COG5: variants seen among roughly 807,000 people sequenced by gnomAD.
COG5 encodes component of oligomeric golgi complex 5.
COG5 carries 86 observed loss-of-function variants against 110.4 expected under a neutral mutation model. The ratio of observed to expected loss-of-function variants is 0.78; its 90% CI spans 0.65 to 0.93. The LOEUF (loss-of-function observed/expected upper bound fraction) is 0.93, where lower values mean the gene tolerates loss of function less well. COG5 is among the 40% of genes least tolerant of loss of function. COG5 has a pLI of 0.00. For synonymous variants in COG5, 360 were observed against 334.6 expected (o/e 1.08, Z -0.83); for missense variants, 1,077 against 987.0 (o/e 1.09, Z -1.22).
Position 107,434,951 on chromosome 7 carries a change from C to T in COG5, c.539-22319G>A, listed in dbSNP as rs543899698. On this transcript the variant is annotated intron_variant, in intron 6 of 21. Coordinates refer to ENST00000297135, the MANE Select transcript of COG5 (RefSeq NM_006348.5). The stretch of plus-strand genomic sequence containing the variant: ...TGCCACTGCACTCCAACCTGGACGA[C>T]AGAGCGAGACTCCGTCTTAAAAAAA... Among the ~76,000 whole-genome samples the T allele has an allele frequency of 2.7e-3, 405 of 149,198 alleles. 2 individuals carry two copies. Among genetic ancestry groups the T allele is most frequent in the African/African-American group, 9.7e-3 (394 of 40,506 alleles).
intron 6 of COG5, among the ~76,000 whole-genome samples, chr7:107,499,349 G>A (rs556693110): frequency 2.6e-5 from 4 of 151,740 alleles, no homozygotes; most frequent in Non-Finnish European, 5.9e-5. Context: ...CCACACTAAC[G>A]TAAGGTATTC....
At chr7:107,407,202 C>T (rs1430708972) in intron 7 of COG5, among the ~76,000 whole-genome samples, 1 of 151,782 alleles carries the variant, frequency 6.6e-6, no homozygotes, top group East Asian at 1.9e-4. Flanking sequence ...GCCAACATGG[C>T]GAAACCCCGT....
intron 5 of COG5, among the ~76,000 whole-genome samples, chr7:107,531,640 C>CG (rs371821762): frequency 2.8e-4 from 28 of 101,526 alleles, no homozygotes; most frequent in Middle Eastern, 4.9e-3. Flanking sequence ...TCGGTGAGGG[C>CG]GGGGGGGAGG....
chr7:107,558,010 C>G lies in COG5; in HGVS notation c.200G>C (p.Gly67Ala), dbSNP rs573364638. 5 of 1,613,710 alleles carry G rather than the reference C, an allele frequency of 3.1e-6. No homozygotes were observed. Among genetic ancestry groups the G allele is most frequent in the East Asian group, 2.2e-5 (1 of 44,808 alleles). ...TAGTTCTCTGTCCAACTGACTGATT[C>G]CTTGGGCAAGTTTTGCTAGTTGTTC... is the stretch of plus-strand genomic sequence containing the variant. ...IAEQLAKLAQGISQLDRELHL... is the reference protein window; with the variant it reads ...IAEQLAKLAQAISQLDRELHL... Residue 67 changes from glycine to alanine, a missense_variant, in exon 2 of 22, where the codon GGA (glycine) becomes GCA (alanine). Coordinates refer to ENST00000297135, the MANE Select transcript of COG5 (RefSeq NM_006348.5).
At chr7:107,420,992 T>TA (rs1793247321) in intron 6 of COG5, among the ~76,000 whole-genome samples, 2 of 152,204 alleles carry the variant, frequency 1.3e-5, no homozygotes, top group African/African-American at 4.8e-5. Context: ...ACCTTACTAT[T>TA]AAAAATGAGA....
In COG5 at chr7:107,365,596, C is replaced by CAAAAAAA. The variant is rs71134263; in HGVS notation, c.836-3183_836-3177dup. ...GGGAATGTTCAACATTGCAAAATGA[C>CAAAAAAA]AAAAAAAAAAAAAAAAAAAAAAAAA... On this transcript the variant is annotated intron_variant, in intron 8 of 21. Coordinates refer to ENST00000297135, the MANE Select transcript of COG5 (RefSeq NM_006348.5). Among the ~76,000 whole-genome samples the CAAAAAAA allele has an allele frequency of 6.9e-3, 255 of 36,738 alleles. 4 individuals carry two copies. The highest frequency in any genetic ancestry group is 0.013 in the East Asian group (10 of 764). 24.1% of individuals were successfully genotyped at this position (36,738 alleles called of 152,430 possible). A position where few individuals can be genotyped will look rare whatever the true frequency, so the allele number is the denominator to read the frequency against.
intron 6 of COG5, among the ~76,000 whole-genome samples, chr7:107,524,273 T>C (rs1800571575): frequency 6.6e-6 from 1 of 152,154 alleles, no homozygotes; most frequent in African/African-American, 2.4e-5. Context: ...CAAATCTGTA[T>C]CCACTAGTAG....
At chr7:107,436,816 A>G (rs1794396918) in intron 6 of COG5, among the ~76,000 whole-genome samples, 1 of 152,230 alleles carries the variant, frequency 6.6e-6, no homozygotes, top group Admixed American at 6.5e-5. Context: ...AGTGCTCAGC[A>G]AATGTCATCA....
At chr7:107,283,758 C>T in intron 12 of COG5, 26 bp from the exon 13 acceptor site, 1 of 1,587,150 alleles carries the variant, frequency 6.3e-7, no homozygotes, top group Non-Finnish European at 8.6e-7. Context: ...TTTTTAAAAA[C>T]TAACTTAAAT....
chr7:107,373,616 C>T (rs1424852313), intron 7 of COG5, among the ~76,000 whole-genome samples: 2 of 151,820 alleles, frequency 1.3e-5, no homozygotes, highest in African/African-American at 4.8e-5. Flanking sequence ...CAGAGTGAAG[C>T]AGAGAGGCAG....
intron 14 of COG5, among the ~76,000 whole-genome samples, chr7:107,262,011 C>T (rs531802063): frequency 7.9e-5 from 12 of 152,002 alleles, no homozygotes; most frequent in African/African-American, 2.9e-4. Flanking sequence ...GTGCCTCAGC[C>T]TCCTGGGTAG....
At chr7:107,441,255 CAAAAA>C (rs551026030) in intron 6 of COG5, among the ~76,000 whole-genome samples, 2 of 71,338 alleles carry the variant, frequency 2.8e-5, no homozygotes, top group East Asian at 4.3e-4. Context: ...GACTCCGTCT[CAAAAA>C]AAAAAAAAAA....
chr7:107,297,011 G>A (rs1806803832), intron 12 of COG5, among the ~76,000 whole-genome samples: 2 of 152,176 alleles, frequency 1.3e-5, no homozygotes, highest in South Asian at 4.1e-4. Context: ...TGGAGGAAAA[G>A]CTGGGCGGGC....
At chr7:107,240,612 T>TG (rs1205324963) in intron 17 of COG5, among the ~76,000 whole-genome samples, 1 of 152,204 alleles carries the variant, frequency 6.6e-6, no homozygotes, top group East Asian at 1.9e-4. Flanking sequence ...GGAATAGGTG[T>TG]GGAGGGCTTG....
At chr7:107,358,319 G>A (rs992108581) in intron 10 of COG5, among the ~76,000 whole-genome samples, 8 of 152,114 alleles carry the variant, frequency 5.3e-5, no homozygotes, top group African/African-American at 1.9e-4. Context: ...CACAACAAAT[G>A]AATGAAAACA....
At chr7:107,497,782 G>GA (rs932021730) in intron 6 of COG5, among the ~76,000 whole-genome samples, 10 of 150,848 alleles carry the variant, frequency 6.6e-5, no homozygotes, top group Admixed American at 2.6e-4. Context: ...TAGAGAAATA[G>GA]AAAAAAAAAT....
chr7:107,416,814 T>C (rs1284460877), intron 6 of COG5, among the ~76,000 whole-genome samples: 6 of 152,196 alleles, frequency 3.9e-5, no homozygotes, highest in Non-Finnish European at 5.9e-5. Flanking sequence ...CAGAATATAT[T>C]ACCTCAGGGA....
intron 6 of COG5, among the ~76,000 whole-genome samples, chr7:107,443,568 A>C (rs1794843915): frequency 6.6e-6 from 1 of 151,328 alleles, no homozygotes; most frequent in Non-Finnish European, 1.5e-5. Flanking sequence ...CCAAAATAAT[A>C]TCTCTAATGT....
At chr7:107,402,299 G>C (rs76821360) in intron 7 of COG5, among the ~76,000 whole-genome samples, 1 of 152,096 alleles carries the variant, frequency 6.6e-6, no homozygotes, top group Admixed American at 6.6e-5. Context: ...TTACCACAGG[G>C]TCGAGATTAT....
Sources: gnomAD v4.1 joint callset for allele counts (sites outside exome capture counted in the v4.1 genomes callset) on GRCh38, gnomAD v4.1.1 for gene constraint, MANE v1.5 for transcripts, NCBI Gene and HGNC (gene_info 2026-07-23, HGNC 2026-07-21) for gene names.